The following JAKMIP2 variants were observed in gnomAD, a reference collection of about 807,000 sequenced individuals.
JAKMIP2 encodes the protein janus kinase and microtubule-interacting protein 2.
Under a neutral mutation model 115.0 loss-of-function variants are expected in JAKMIP2, and 25 were observed. The ratio of observed to expected loss-of-function variants is 0.22; its 90% CI spans 0.16 to 0.30. JAKMIP2 has a LOEUF of 0.30. Among genes scored for constraint, JAKMIP2 ranks in the 10% least tolerant of loss-of-function variants. The pLI is 1.00. For synonymous variants in JAKMIP2, 334 were observed against 343.6 expected (o/e 0.97, Z 0.31); for missense variants, 642 against 957.6 (o/e 0.67, Z 4.35).
At chr5:147,703,771 T>C (rs1207521467) in intron 1 of JAKMIP2, among the ~76,000 whole-genome samples, 2 of 152,008 alleles carry the variant, frequency 1.3e-5, no homozygotes. Context: ...TACTTCAACT[T>C]TTTTACTTCA....
At chr5:147,693,507 C>A (rs56920672) in intron 1 of JAKMIP2, among the ~76,000 whole-genome samples, 40,387 of 151,922 alleles carry the variant, frequency 0.27, 6,141 homozygotes, top group East Asian at 0.5. Flanking sequence ...AAGAATCAGA[C>A]AGCAATGAAC....
At chr5:147,629,586 T>C (rs1357282623) in intron 15 of JAKMIP2, 107 bp downstream of exon 15, 2 of 733,528 alleles carry the variant, frequency 2.7e-6, no homozygotes, top group Non-Finnish European at 4.6e-6. Context: ...CATCCTTAAG[T>C]GAAATGGCAT....
At chr5:147,662,851 G>A (rs866232679) in intron 2 of JAKMIP2, among the ~76,000 whole-genome samples, 15 of 152,168 alleles carry the variant, frequency 9.9e-5, no homozygotes, top group Admixed American at 2.6e-4. Context: ...TGGGCGTGGT[G>A]GCAGGCACCT....
intron 1 of JAKMIP2, among the ~76,000 whole-genome samples, chr5:147,756,322 A>G (rs1398147598): frequency 6.6e-6 from 1 of 152,120 alleles, no homozygotes; most frequent in East Asian, 1.9e-4. Flanking sequence ...AATGATAGGG[A>G]GGCACCTGCC....
chr5:147,736,394 G>A (rs1044027460), intron 1 of JAKMIP2, among the ~76,000 whole-genome samples: 1 of 151,994 alleles, frequency 6.6e-6, no homozygotes, highest in African/African-American at 2.4e-5. Flanking sequence ...GGGGGTGGAG[G>A]TTGCAGTGAG....
At chr5:147,722,269 C>T (rs1753343201) in intron 1 of JAKMIP2, among the ~76,000 whole-genome samples, 1 of 152,170 alleles carries the variant, frequency 6.6e-6, no homozygotes, top group Non-Finnish European at 1.5e-5. Flanking sequence ...CCTGTGCAAT[C>T]ATTTAAGGAT....
rs1754929548 is a variant in JAKMIP2, at chr5:147,587,609, CA to C, written c.*4097del. On this transcript the variant is annotated 3_prime_UTR_variant, in exon 22 of 22. Transcript: ENST00000616793. ...ATGAATATTCTTTTTACAGTTTCTA[CA>C]AAAACCTAGGCAGGTTAAAAAGACG... 1 of 152,092 alleles carries C rather than the reference CA, an allele frequency of 6.6e-6. No homozygotes were observed. Among genetic ancestry groups the C allele is most frequent in the Non-Finnish European group, 1.5e-5 (1 of 68,016 alleles). The allele number at this position is 152,092 out of a possible 1,614,324, so 9.4% of individuals were successfully genotyped here. A position where few individuals can be genotyped will look rare whatever the true frequency, so the allele number is the denominator to read the frequency against.
At position 147,693,031 on chromosome 5, in the gene JAKMIP2, T is replaced by G. The variant is rs572336166; in HGVS notation, c.-148-21077A>C. Among the ~76,000 whole-genome samples the G allele has an allele frequency of 1.6e-3, 238 of 152,364 alleles. 7 individuals carry two copies. In the Middle Eastern group the frequency reaches 0.027, roughly 17 times the overall value. ...ACCAATTTTGTATATGACCTAAAAT[T>G]GTAAACAATTTTTATTTGAGGGAAA... On this transcript the variant is annotated intron_variant, in intron 1 of 21. Transcript: ENST00000616793.
intron 3 of JAKMIP2, 149 bp from the exon 4 acceptor site, chr5:147,650,696 A>G: frequency 1.5e-6 from 1 of 648,886 alleles, no homozygotes; most frequent in Non-Finnish European, 2.6e-6. Context: ...GAGTAAGATG[A>G]GGCAACATTG....
At position 147,647,803 on chromosome 5, in the gene JAKMIP2, T is replaced by C. The variant is rs1440161292; in HGVS notation, c.936+573A>G. On this transcript the variant is annotated intron_variant, in intron 5 of 21. Transcript: ENST00000616793. Reference sequence around the variant, plus strand: ...CTAACATCCAGTAATTCTACTCCTCTGCATATTCCACCAGAAATGGGCATA... The same window carrying C: ...CTAACATCCAGTAATTCTACTCCTCCGCATATTCCACCAGAAATGGGCATA... Among the ~76,000 whole-genome samples, 5 of 152,278 alleles carry C rather than the reference T, an allele frequency of 3.3e-5. No individual in the cohort carries two copies. The East Asian group carries it at 7.7e-4, about 23-fold the overall frequency.
intron 1 of JAKMIP2, among the ~76,000 whole-genome samples, chr5:147,691,003 G>C (rs1298318304): frequency 6.6e-6 from 1 of 152,042 alleles, no homozygotes; most frequent in Non-Finnish European, 1.5e-5. Flanking sequence ...TTTTCCTCAT[G>C]GGTTATCTCA....
At chr5:147,629,587 G>C in intron 15 of JAKMIP2, 106 bp downstream of exon 15, 1 of 739,826 alleles carries the variant, frequency 1.4e-6, no homozygotes, top group Admixed American at 2.2e-5. Context: ...ATCCTTAAGT[G>C]AAATGGCATC....
rs1581246807 is a variant in JAKMIP2 at position 147,586,112 on chromosome 5, G to A, written c.*5595C>T. ...GTAGTGAACAGAAGGTGGGGTAAGG[G>A]AGAGAAGAGGTAGTCAAGGATGGGA... is the stretch of plus-strand genomic sequence containing the variant. On this transcript the variant is annotated 3_prime_UTR_variant, in exon 22 of 22. Transcript: ENST00000616793. 6.6e-6 allele frequency: 1 copy of A among 152,084 alleles called. No individual in the cohort carries two copies. Among genetic ancestry groups the A allele is most frequent in the African/African-American group, 2.4e-5 (1 of 41,412 alleles). 9.4% of individuals were successfully genotyped at this position (152,084 alleles called of 1,614,324 possible).
intron 21 of JAKMIP2, among the ~76,000 whole-genome samples, chr5:147,600,378 T>A (rs1755634852): frequency 6.6e-6 from 1 of 152,172 alleles, no homozygotes; most frequent in African/African-American, 2.4e-5. Flanking sequence ...TTTGCTTGTA[T>A]CAGGTTATTC....
chr5:147,658,083 G>A (rs1758769343), intron 3 of JAKMIP2, among the ~76,000 whole-genome samples: 1 of 152,042 alleles, frequency 6.6e-6, no homozygotes, highest in African/African-American at 2.4e-5. Context: ...AGGAGAAGAG[G>A]CATTCTGGCT....
chr5:147,647,618 G>A (rs568584902), intron 5 of JAKMIP2, among the ~76,000 whole-genome samples: 9 of 152,150 alleles, frequency 5.9e-5, no homozygotes, highest in Non-Finnish European at 1.0e-4. Flanking sequence ...AAACCATAAT[G>A]TAAGGTGTAA....
chr5:147,750,624 C>T (rs900980661), intron 1 of JAKMIP2, among the ~76,000 whole-genome samples: 1 of 150,072 alleles, frequency 6.7e-6, no homozygotes, highest in Non-Finnish European at 1.5e-5. Context: ...GAAATTGCAG[C>T]ATTTGAAGGT....
chr5:147,640,861 A>G, intron 8 of JAKMIP2, 38 bp from the exon 9 acceptor site: 3 of 1,594,620 alleles, frequency 1.9e-6, no homozygotes, highest in Non-Finnish European at 2.6e-6. Context: ...TGACATAGCT[A>G]ACAGTAGGGA....
intron 9 of JAKMIP2, among the ~76,000 whole-genome samples, chr5:147,640,034 G>A (rs1457930179): frequency 6.6e-6 from 1 of 152,152 alleles, no homozygotes; most frequent in East Asian, 1.9e-4. Context: ...AGCTTAGAAT[G>A]TAGTCAATTT....
Sources: allele counts gnomAD v4.1 joint callset (sites outside exome capture counted in the v4.1 genomes callset), GRCh38; gene constraint gnomAD v4.1.1; transcripts MANE v1.5; gene names NCBI Gene and HGNC (gene_info 2026-07-23, HGNC 2026-07-21).